Variants in ADGRV1 observed in about 807,000 individuals in gnomAD.
The protein encoded by ADGRV1 is adhesion G protein-coupled receptor V1.
ADGRV1 carries 359 observed loss-of-function variants against 596.2 expected under a neutral mutation model. That is an observed-to-expected ratio of 0.60 (90% confidence interval 0.55 to 0.66). The LOEUF is 0.66. Among genes scored for constraint, ADGRV1 ranks in the 30% least tolerant of loss-of-function variants. The pLI is 0.00. For missense variants in ADGRV1, 7,274 were observed against 7,575.6 expected (o/e 0.96, Z 1.48); for synonymous variants, 2,681 against 2,679.2 (o/e 1.00, Z -0.02).
intron 4 of ADGRV1, among the ~76,000 whole-genome samples, chr5:90,621,791 A>C (rs1425652127): frequency 6.6e-6 from 1 of 152,144 alleles, no homozygotes; most frequent in Non-Finnish European, 1.5e-5. Context: ...TTTGCTTTTC[A>C]GCCCTGAGGA....
intron 83 of ADGRV1, among the ~76,000 whole-genome samples, chr5:90,896,786 A>G (rs1294152621): frequency 6.6e-6 from 1 of 152,210 alleles, no homozygotes; most frequent in African/African-American, 2.4e-5. Flanking sequence ...ATGAAAAAGT[A>G]AATACTATGA....
intron 1 of ADGRV1, among the ~76,000 whole-genome samples, chr5:90,579,996 T>A (rs1757776417): frequency 6.6e-6 from 1 of 152,202 alleles, no homozygotes; most frequent in South Asian, 2.1e-4. Context: ...ATTTTGAGCC[T>A]ATGTGCATCT....
chr5:90,866,774 T>C (rs930485055), intron 83 of ADGRV1, among the ~76,000 whole-genome samples: 1 of 152,168 alleles, frequency 6.6e-6, no homozygotes, highest in Non-Finnish European at 1.5e-5. Flanking sequence ...GCTTCATCAT[T>C]ATATTTATGA....
chr5:90,644,844 T>C lies in ADGRV1; in HGVS notation c.2873T>C (p.Ile958Thr). Residue 958 changes from isoleucine to threonine, a missense_variant, in exon 15 of 90, where the codon ATC becomes ACC. By Grantham distance (89) the Ile-to-Thr change is moderately conservative. This residue lies in a region of ADGRV1 where 1,715 missense variants were observed against 1,708.8 expected (regional missense o/e 1.00). Transcript: ENST00000405460. ...GGAGATCAGGAATTTTCAAAAAATATCACCATTTACTCCCTTCCAGATGAG... is the reference window on the plus strand; with the variant it reads ...GGAGATCAGGAATTTTCAAAAAATACCACCATTTACTCCCTTCCAGATGAG... ...VFGDQEFSKN[I>T]TIYSLPDEIP... The C allele has an allele frequency of 6.2e-7, 1 of 1,607,414 alleles. No individual in the cohort carries two copies.
intron 89 of ADGRV1, among the ~76,000 whole-genome samples, chr5:91,162,268 G>T (rs781058389): frequency 9.2e-5 from 14 of 152,132 alleles, no homozygotes; most frequent in Non-Finnish European, 1.9e-4. Context: ...AGATAGGAAG[G>T]ACATAATCCA....
At chr5:90,849,712 A>G (rs1445764528) in intron 79 of ADGRV1, among the ~76,000 whole-genome samples, 1 of 152,186 alleles carries the variant, frequency 6.6e-6, no homozygotes, top group Non-Finnish European at 1.5e-5. Flanking sequence ...CTAGGTCACA[A>G]GACATACGAA....
intron 87 of ADGRV1, among the ~76,000 whole-genome samples, chr5:91,110,348 C>T (rs1792262621): frequency 1.3e-5 from 2 of 152,114 alleles, no homozygotes; most frequent in African/African-American, 4.8e-5. Flanking sequence ...GCAGGTGTTC[C>T]AGGCTTCCAT....
chr5:90,949,740 G>A (rs1446484850), intron 83 of ADGRV1, among the ~76,000 whole-genome samples: 5 of 152,230 alleles, frequency 3.3e-5, no homozygotes, highest in African/African-American at 1.2e-4. Flanking sequence ...AAATGCTTTT[G>A]AATGATAAGC....
rs200671984 is a variant in ADGRV1, at chr5:90,891,237, CAT to C, written c.17856+27382_17856+27383del. ...GCATTTAGACTTCCTTTTGATTAGA[CAT>C]ACTTTTGTATTTCTCACTCTTTGTG... is the stretch of plus-strand genomic sequence containing the variant. On this transcript the variant is annotated intron_variant, in intron 83 of 89. Coordinates refer to ENST00000405460, the MANE Select transcript of ADGRV1 (RefSeq NM_032119.4). 8.2e-3 allele frequency among the ~76,000 whole-genome samples: 1,225 copies of C among 149,532 alleles called. 12 individuals carry two copies. The highest frequency in any genetic ancestry group is 0.029 in the African/African-American group (1,184 of 41,010).
At chr5:90,678,030 G>C (rs1247482959) in intron 25 of ADGRV1, among the ~76,000 whole-genome samples, 1 of 152,174 alleles carries the variant, frequency 6.6e-6, no homozygotes, top group Non-Finnish European at 1.5e-5. Flanking sequence ...ATATGGTGTT[G>C]AACTTCTTTT....
chr5:91,027,170 C>CAT (rs1448622239), intron 85 of ADGRV1, among the ~76,000 whole-genome samples: 1 of 151,310 alleles, frequency 6.6e-6, no homozygotes, highest in African/African-American at 2.4e-5. Flanking sequence ...CACACACACA[C>CAT]ACACACACAC....
At chr5:90,885,883 A>G (rs1770233821) in intron 83 of ADGRV1, among the ~76,000 whole-genome samples, 1 of 151,330 alleles carries the variant, frequency 6.6e-6, no homozygotes, top group South Asian at 2.1e-4. Context: ...GGAGGGAGAG[A>G]GGGAGGGAGG....
In ADGRV1 at chr5:90,652,471, G is replaced by C. The variant is rs764195383; in HGVS notation, c.3542G>C (p.Gly1181Ala). ...ETSGTVNFMD[G>A]EEAKPIILHA... ...TCAGGAACTGTTAACTTCATGGATG[G>C]AGAAGAAGCAAAACCAATCATTCTC... is the stretch of plus-strand genomic sequence containing the variant. Residue 1181 changes from glycine (G) to alanine (A), a missense_variant, in exon 19 of 90, where the codon GGA (glycine) becomes GCA (alanine). Physicochemically the swap from Gly to Ala is moderately conservative, Grantham distance 60. Coordinates refer to ENST00000405460, the MANE Select transcript of ADGRV1 (RefSeq NM_032119.4). The C allele has an allele frequency of 1.2e-6, 2 of 1,613,514 alleles. No individual in the cohort carries two copies. Among genetic ancestry groups the C allele is most frequent in the South Asian group, 2.2e-5 (2 of 91,036 alleles).
intron 50 of ADGRV1, among the ~76,000 whole-genome samples, chr5:90,744,702 G>A (rs927575051): frequency 2.0e-5 from 3 of 151,904 alleles, no homozygotes; most frequent in Admixed American, 6.6e-5. Flanking sequence ...TTTCATGATG[G>A]GATTATGAGT....
intron 83 of ADGRV1, among the ~76,000 whole-genome samples, chr5:90,918,397 A>G (rs898195895): frequency 9.9e-5 from 15 of 152,206 alleles, no homozygotes; most frequent in Admixed American, 9.8e-4. Flanking sequence ...GAATCACATT[A>G]TTAGGTTTCA....
chr5:91,140,726 G>A (rs1399092421), intron 87 of ADGRV1, among the ~76,000 whole-genome samples: 1 of 152,140 alleles, frequency 6.6e-6, no homozygotes, highest in African/African-American at 2.4e-5. Flanking sequence ...GGTTAGTGGG[G>A]TGAGGGAGTT....
intron 68 of ADGRV1, among the ~76,000 whole-genome samples, chr5:90,788,896 A>T (rs889072426): frequency 8.9e-4 from 133 of 150,052 alleles, no homozygotes; most frequent in African/African-American, 3.1e-3. Flanking sequence ...ACACACACTC[A>T]CACACACAGC....
Position 91,163,829 on chromosome 5 carries a change from G to C in ADGRV1, c.18850G>C (p.Glu6284Gln), listed in dbSNP as rs765198794. Residue 6284 changes from glutamate (E) to glutamine (Q), a missense_variant, in exon 90 of 90, where the codon GAG (glutamate) becomes CAG (glutamine). Coordinates refer to ENST00000405460, the MANE Select transcript of ADGRV1 (RefSeq NM_032119.4). ...TAATGAATCTGGTCAAGGCAGCCAG[G>C]AGGGGGGCACCTTGACTGACTCCCA... The part of the protein sequence containing the change: ...SDNESGQGSQ[E>Q]GGTLTDSQIV... The C allele has an allele frequency of 2.5e-6, 4 of 1,606,726 alleles. No individual in the cohort carries two copies. The highest frequency in any genetic ancestry group is 3.4e-6 in the Non-Finnish European group (4 of 1,175,168).
At chr5:90,960,897 TG>T (rs1443081596) in intron 83 of ADGRV1, among the ~76,000 whole-genome samples, 2 of 152,088 alleles carry the variant, frequency 1.3e-5, no homozygotes, top group African/African-American at 4.8e-5. Context: ...CAAGAGAAAG[TG>T]GGGCAGATGG....
Sources: gnomAD v4.1 joint callset for allele counts (sites outside exome capture counted in the v4.1 genomes callset) on GRCh38, gnomAD v4.1.1 for gene constraint, gnomAD v4.1.1 regional missense constraint, MANE v1.5 for transcripts, NCBI Gene and HGNC (gene_info 2026-07-23, HGNC 2026-07-21) for gene names.